Variants in SLC14A2 observed in about 807,000 individuals in gnomAD.
SLC14A2 encodes the protein urea transporter 2.
In SLC14A2, 91 loss-of-function variants were observed where a neutral mutation model predicts 104.6. That is an observed-to-expected ratio of 0.87 (90% confidence interval 0.73 to 1.04). The LOEUF (loss-of-function observed/expected upper bound fraction) is 1.04, where lower values mean the gene tolerates loss of function less well. SLC14A2 is among the 50% of genes least tolerant of loss of function. The pLI, the probability that SLC14A2 is intolerant of heterozygous loss-of-function variation, is 0.00. For missense variants in SLC14A2, 1,189 were observed against 1,156.0 expected, an observed-to-expected ratio of 1.03 and a Z score of -0.41; for synonymous variants, 476 against 466.4, an observed-to-expected ratio of 1.02 and a Z score of -0.27.
At chr18:45,643,457 A>C (rs899117839) in intron 9 of SLC14A2, among the ~76,000 whole-genome samples, 1 of 152,200 alleles carries the variant, frequency 6.6e-6, no homozygotes, top group Non-Finnish European at 1.5e-5. Context: ...GTGTGACTGG[A>C]CATGGGGGAA....
chr18:45,431,642 A>G (rs189123002), intron 1 of SLC14A2, among the ~76,000 whole-genome samples: 2 of 152,324 alleles, frequency 1.3e-5, no homozygotes, highest in Non-Finnish European at 2.9e-5. Context: ...CTGAAGGGAC[A>G]GCTCAGTTAG....
At chr18:45,519,565 T>TA (rs2043488357) in intron 2 of SLC14A2, among the ~76,000 whole-genome samples, 1 of 152,054 alleles carries the variant, frequency 6.6e-6, no homozygotes, top group Non-Finnish European at 1.5e-5. Context: ...ACACATAATT[T>TA]ACTGTTAGCT....
chr18:45,665,096 T>G (rs116062644), intron 11 of SLC14A2, among the ~76,000 whole-genome samples: 345 of 152,306 alleles, frequency 2.3e-3, no homozygotes, highest in African/African-American at 8.0e-3. Flanking sequence ...AATTTGTTTG[T>G]CCTGAATGGT....
chr18:45,175,680 G>A, the SLC14A2 span, among the ~76,000 whole-genome samples: 14 of 152,142 alleles, frequency 9.2e-5, no homozygotes, highest in Admixed American at 1.3e-4. Flanking sequence ...CAAGCTGTTC[G>A]CTGAGACGGG....
chr18:45,421,256 CTT>C (rs202227442), intron 1 of SLC14A2, among the ~76,000 whole-genome samples: 205 of 142,572 alleles, frequency 1.4e-3, no homozygotes, highest in African/African-American at 4.7e-3. Flanking sequence ...AACATCGATC[CTT>C]TTTTTTTTTT....
chr18:45,314,696 AC>A (rs1301730915), intron 1 of SLC14A2, among the ~76,000 whole-genome samples: 2 of 152,194 alleles, frequency 1.3e-5, no homozygotes, highest in African/African-American at 2.4e-5. Flanking sequence ...TTTTTGATGT[AC>A]TAGGTGAGGC....
At chr18:45,245,713 A>C (rs537114995) in intron 1 of SLC14A2, among the ~76,000 whole-genome samples, 15 of 152,348 alleles carry the variant, frequency 9.8e-5, no homozygotes, top group African/African-American at 3.4e-4. Flanking sequence ...TATGCAGAAG[A>C]GATCATTTCC....
intron 1 of SLC14A2, among the ~76,000 whole-genome samples, chr18:45,252,538 G>T (rs1357337683): frequency 6.6e-6 from 1 of 152,142 alleles, no homozygotes; most frequent in Admixed American, 6.5e-5. Flanking sequence ...TAACAAGCAG[G>T]CAAACAAATG....
At chr18:45,366,688 G>A (rs186928356) in intron 1 of SLC14A2, among the ~76,000 whole-genome samples, 13 of 152,258 alleles carry the variant, frequency 8.5e-5, no homozygotes, top group East Asian at 7.7e-4. Flanking sequence ...GGACCCATGC[G>A]TGAATCCCTC....
At chr18:45,395,522 T>C (rs914696594) in intron 1 of SLC14A2, among the ~76,000 whole-genome samples, 2 of 152,124 alleles carry the variant, frequency 1.3e-5, no homozygotes, top group African/African-American at 2.4e-5. Context: ...CACAGACAAA[T>C]TTGTTAAGAA....
intron 1 of SLC14A2, among the ~76,000 whole-genome samples, chr18:45,214,213 T>A (rs368540282): frequency 5.3e-5 from 8 of 152,204 alleles, no homozygotes; most frequent in African/African-American, 1.9e-4. Flanking sequence ...TTGTATAAAT[T>A]TACTCAACCC....
At chr18:45,260,376 A>C (rs2084523377) in intron 1 of SLC14A2, among the ~76,000 whole-genome samples, 1 of 152,202 alleles carries the variant, frequency 6.6e-6, no homozygotes, top group Admixed American at 6.5e-5. Flanking sequence ...GAGATCTTTA[A>C]ATTTGAAGAG....
In SLC14A2 at chr18:45,609,351, G is replaced by A. The variant is rs1212104486; in HGVS notation, c.-34-15280G>A. On this transcript the variant is annotated intron_variant, in intron 2 of 20. Coordinates refer to the SLC14A2 transcript ENST00000586448. Reference sequence around the variant, plus strand: ...AATCCTTTCACTCTTTCATTCCTTTGTGCCAATCATAACTACATTATTTCC... The same window carrying A: ...AATCCTTTCACTCTTTCATTCCTTTATGCCAATCATAACTACATTATTTCC... Among the ~76,000 whole-genome samples the A allele has an allele frequency of 2.4e-5, 3 of 124,696 alleles. No individual in the cohort carries two copies. The Admixed American group carries it at 2.6e-4, about 11-fold the overall frequency. The allele number at this position is 124,696 out of a possible 152,430, so 81.8% of individuals were successfully genotyped here.
chr18:45,450,586 C>T (rs990276907), intron 1 of SLC14A2, among the ~76,000 whole-genome samples: 1 of 152,192 alleles, frequency 6.6e-6, no homozygotes, highest in Admixed American at 6.5e-5. Context: ...CCTTGACCAT[C>T]ATTGTTGTTC....
At chr18:45,663,306 T>A (rs2045961504) in intron 10 of SLC14A2, among the ~76,000 whole-genome samples, 1 of 152,214 alleles carries the variant, frequency 6.6e-6, no homozygotes, top group South Asian at 2.1e-4. Flanking sequence ...AAGCTGCATA[T>A]TGGAGCCATC....
At chr18:45,218,350 T>G (rs1229437706) in intron 1 of SLC14A2, among the ~76,000 whole-genome samples, 1 of 152,254 alleles carries the variant, frequency 6.6e-6, no homozygotes, top group Admixed American at 6.5e-5. Flanking sequence ...ATTTACTTCC[T>G]TTTCAAGGCT....
the SLC14A2 span, among the ~76,000 whole-genome samples, chr18:45,194,395 G>A: frequency 2.0e-5 from 3 of 152,028 alleles, no homozygotes; most frequent in Non-Finnish European, 2.9e-5. Context: ...GACAGTTATC[G>A]GAAATAGATG....
At chr18:45,391,544 A>G (rs1210056684) in intron 1 of SLC14A2, among the ~76,000 whole-genome samples, 2 of 152,170 alleles carry the variant, frequency 1.3e-5, no homozygotes, top group Non-Finnish European at 2.9e-5. Context: ...TCCCACCAAC[A>G]GTGTAAAAGT....
intron 2 of SLC14A2, among the ~76,000 whole-genome samples, chr18:45,509,232 G>A (rs1385208213): frequency 1.3e-5 from 2 of 152,096 alleles, no homozygotes. Context: ...CACACAAGAG[G>A]AGATGGACCA....
Sources: gnomAD v4.1 joint callset for allele counts (sites outside exome capture counted in the v4.1 genomes callset) on GRCh38, gnomAD v4.1.1 for gene constraint, MANE v1.5 for transcripts, NCBI Gene and HGNC (gene_info 2026-07-23, HGNC 2026-07-21) for gene names.